Variants in DNAH8 observed in about 807,000 individuals in gnomAD.
DNAH8 encodes axonemal beta dynein heavy chain 8.
In DNAH8, 382 loss-of-function variants were observed where a neutral mutation model predicts 562.1. The ratio of observed to expected loss-of-function variants is 0.68; its 90% CI spans 0.63 to 0.74. DNAH8 has a LOEUF of 0.74. DNAH8 is among the 30% of genes least tolerant of loss of function. DNAH8 has a pLI of 0.00. For synonymous variants in DNAH8, 1,881 were observed against 1,919.4 expected, an observed-to-expected ratio of 0.98 and a Z score of 0.52; for missense variants, 5,203 against 5,620.4, an observed-to-expected ratio of 0.93 and a Z score of 2.37.
At chr6:38,918,430 C>T (rs1781469925) in intron 70 of DNAH8, among the ~76,000 whole-genome samples, 1 of 152,134 alleles carries the variant, frequency 6.6e-6, no homozygotes, top group South Asian at 2.1e-4. Context: ...CTTGCCATTT[C>T]TTTGAAGTTT....
intron 89 of DNAH8, 107 bp from the exon 90 acceptor site, chr6:39,012,108 G>C: frequency 2.6e-6 from 2 of 775,584 alleles, no homozygotes; most frequent in Non-Finnish European, 4.0e-6. Flanking sequence ...ATTTGGGCTG[G>C]TAGAGATACA....
chr6:38,880,237 ACT>A (rs1447655379), intron 53 of DNAH8, among the ~76,000 whole-genome samples: 19 of 152,106 alleles, frequency 1.2e-4, no homozygotes, highest in African/African-American at 3.6e-4. Context: ...ACAGAGTGAG[ACT>A]CTGTCTTAAA....
At chr6:38,803,873 A>G (rs1348772370) in intron 22 of DNAH8, among the ~76,000 whole-genome samples, 1 of 151,672 alleles carries the variant, frequency 6.6e-6, no homozygotes. Flanking sequence ...TGAAGAGTGC[A>G]CTCTCAAGGA....
At chr6:38,738,772 C>A (rs1764305788) in intron 7 of DNAH8, among the ~76,000 whole-genome samples, 1 of 152,122 alleles carries the variant, frequency 6.6e-6, no homozygotes, top group South Asian at 2.1e-4. Context: ...TTGGAGGACT[C>A]CCCTAGGGTC....
At chr6:38,914,518 A>C (rs1781154686) in intron 67 of DNAH8, among the ~76,000 whole-genome samples, 1 of 145,306 alleles carries the variant, frequency 6.9e-6, no homozygotes, top group South Asian at 2.1e-4. Flanking sequence ...CTCCTGCCTA[A>C]TTTTTGTATT....
At position 39,012,286 on chromosome 6, in the gene DNAH8, A is replaced by G. The variant is rs1766265305; in HGVS notation, c.13443A>G (p.Arg4481=). The G allele has an allele frequency of 6.2e-7, 1 of 1,612,936 alleles. No homozygotes were observed. The highest frequency in any genetic ancestry group is 8.5e-7 in the Non-Finnish European group (1 of 1,179,012). ...MNIFLRQEID[R]MQRVISILRS... ...TATTTCTTAGACAAGAAATTGACAG[A>G]ATGCAAAGAGTCATTTCAATACTCC... Residue 4481 remains arginine, a synonymous_variant, in exon 90 of 93, where the codon AGA becomes AGG. Transcript: ENST00000327475.
chr6:38,942,896 G>C (rs1351930529), intron 79 of DNAH8, among the ~76,000 whole-genome samples: 1 of 152,242 alleles, frequency 6.6e-6, no homozygotes, highest in African/African-American at 2.4e-5. Flanking sequence ...TTATTTGAAA[G>C]AGGGTGGGTA....
At chr6:38,727,553 C>T (rs1231666629) in intron 3 of DNAH8, among the ~76,000 whole-genome samples, 1 of 152,248 alleles carries the variant, frequency 6.6e-6, no homozygotes, top group Non-Finnish European at 1.5e-5. Context: ...CTCAACTCTT[C>T]AGTCCTTGGG....
At chr6:38,742,892 A>G (rs1764628098) in intron 8 of DNAH8, among the ~76,000 whole-genome samples, 2 of 152,040 alleles carry the variant, frequency 1.3e-5, no homozygotes, top group African/African-American at 4.8e-5. Context: ...AATAAATGTC[A>G]TAGCATAATA....
chr6:38,832,325 T>A lies in DNAH8; in HGVS notation c.4192T>A (p.Ser1398Thr). 2.5e-6 allele frequency: 4 copies of A among 1,599,068 alleles called. No homozygotes were observed. The highest frequency in any genetic ancestry group is 3.4e-6 in the Non-Finnish European group (4 of 1,167,786). Reference sequence around the variant, plus strand: ...TGAATATTCTTTTTTATTGTAGGTTTCAGTACAAGAGGACCTAGTTCAAGT... The same window carrying A: ...TGAATATTCTTTTTTATTGTAGGTTACAGTACAAGAGGACCTAGTTCAAGT... The part of the protein sequence containing the change: ...SFNKLQSKAV[S>T]VQEDLVQVQP... The change falls in exon 31 of 93, where the codon TCA becomes ACA. Residue 1398 changes from serine to threonine, a missense_variant. This residue lies in a region of DNAH8 where 2,176 missense variants were observed against 2,365.1 expected (regional missense o/e 0.92). Coordinates refer to ENST00000327475, the MANE Select transcript of DNAH8 (RefSeq NM_001206927.2).
Position 38,984,287 on chromosome 6 carries a change from C to G in DNAH8, c.13033C>G (p.Leu4345Val). 1 of 1,605,330 alleles carries G rather than the reference C, an allele frequency of 6.2e-7. No homozygotes were observed. Among genetic ancestry groups the G allele is most frequent in the Non-Finnish European group, 8.5e-7 (1 of 1,172,050 alleles). ...GRVTDDFDKR[L>V]LNCFARVWFS... ...AGTGACAGATGACTTTGACAAACGT[C>G]TACTTAATTGCTTTGCCAGAGTAAG... The change falls in exon 87 of 93, where the codon CTA (leucine) becomes GTA (valine). Residue 4345 changes from leucine to valine, a missense_variant. Physicochemically the swap from Leu to Val is conservative, Grantham distance 32 (BLOSUM62 1). Around this residue, in one of 6 missense-constraint regions of DNAH8, gnomAD observed 1,399 missense variants for 1,518.4 expected, o/e 0.92. Transcript: ENST00000327475.
At chr6:38,834,692 A>G (rs1209815511) in intron 32 of DNAH8, 51 bp downstream of exon 32, 1 of 1,407,088 alleles carries the variant, frequency 7.1e-7, no homozygotes. Flanking sequence ...TTAAAAAATT[A>G]TTTTGGGGAA....
At chr6:38,829,300 G>T (rs1773631322) in intron 30 of DNAH8, among the ~76,000 whole-genome samples, 1 of 152,024 alleles carries the variant, frequency 6.6e-6, no homozygotes, top group African/African-American at 2.4e-5. Context: ...TCGCTTTATT[G>T]ATGGTGTCTT....
chr6:38,904,669 G>A (rs530828214), intron 62 of DNAH8, among the ~76,000 whole-genome samples: 2 of 151,776 alleles, frequency 1.3e-5, no homozygotes, highest in African/African-American at 4.8e-5. Flanking sequence ...ACAGGCGCCT[G>A]TAATCCCAGC....
At position 39,012,460 on chromosome 6, in the gene DNAH8, G is replaced by A. The variant is rs1305121208; in HGVS notation, c.13537G>A (p.Ala4513Thr). 1.2e-6 allele frequency: 2 copies of A among 1,613,510 alleles called. No individual in the cohort carries two copies. Residue 4513 changes from alanine (A) to threonine (T), a missense_variant, in exon 91 of 93, where the codon GCT becomes ACT. Ala to Thr is a moderately conservative substitution (Grantham distance 58). Transcript: ENST00000327475. ...TIIMSENLRDALDNMYDARIP... is the reference protein window; with the variant it reads ...TIIMSENLRDTLDNMYDARIP... ...TTTTCTTCTCCAGAATCTGAGAGAT[G>A]CTCTGGACAACATGTATGATGCTCG...
chr6:39,028,166 A>G (rs1364456030), intron 92 of DNAH8, among the ~76,000 whole-genome samples: 1 of 152,148 alleles, frequency 6.6e-6, no homozygotes, highest in Non-Finnish European at 1.5e-5. Flanking sequence ...GCCTCTCCCC[A>G]TTATGCAATT....
At position 38,997,056 on chromosome 6, in the gene DNAH8, A is replaced by G. The variant is rs571156084; in HGVS notation, c.13214+6884A>G. Among the ~76,000 whole-genome samples the G allele has an allele frequency of 1.4e-4, 22 of 152,030 alleles. No individual in the cohort carries two copies. The South Asian group carries it at 4.4e-3, about 30-fold the overall frequency. ...GTTCTCTCTTCATCCTTAACTTCCC[A>G]TATGGTCTGCCTTGGGGTCTCTCTC... On this transcript the variant is annotated intron_variant, in intron 88 of 92. Transcript: ENST00000327475.
At chr6:38,925,664 G>A (rs887645152) in intron 73 of DNAH8, among the ~76,000 whole-genome samples, 31 of 152,080 alleles carry the variant, frequency 2.0e-4, no homozygotes, top group Admixed American at 1.2e-3. Context: ...CCAAAGGGCC[G>A]GAAGGGGAAG....
rs375993164 is a variant in DNAH8, at chr6:39,012,578, C to T, written c.13655C>T (p.Thr4552Met). The T allele has an allele frequency of 3.1e-5, 50 of 1,614,020 alleles. No individual in the cohort carries two copies. The highest frequency in any genetic ancestry group is 1.6e-4 in the Middle Eastern group (1 of 6,062). Reference sequence around the variant, plus strand: ...TTGGAAAGAAATGCTCAGTTTTCTACGTGGATATTTGAAGGGAGGCCTAAT... The same window carrying T: ...TTGGAAAGAAATGCTCAGTTTTCTATGTGGATATTTGAAGGGAGGCCTAAT... ...ELLERNAQFSTWIFEGRPNVF... is the reference protein window; with the variant it reads ...ELLERNAQFSMWIFEGRPNVF... The change falls in exon 91 of 93, where the codon ACG becomes ATG. Residue 4552 changes from threonine to methionine, a missense_variant. Thr to Met is a moderately conservative substitution (Grantham distance 81, BLOSUM62 -1). This residue lies in a region of DNAH8 where 1,399 missense variants were observed against 1,518.4 expected (regional missense o/e 0.92). Coordinates refer to ENST00000327475, the MANE Select transcript of DNAH8 (RefSeq NM_001206927.2).
Sources: gnomAD v4.1 joint callset for allele counts (sites outside exome capture counted in the v4.1 genomes callset) on GRCh38, gnomAD v4.1.1 for gene constraint, gnomAD v4.1.1 regional missense constraint, MANE v1.5 for transcripts, NCBI Gene and HGNC (gene_info 2026-07-23, HGNC 2026-07-21) for gene names.